Variants in LDLRAD4 observed in about 807,000 individuals in gnomAD.
The protein encoded by LDLRAD4 is low-density lipoprotein receptor class A domain-containing protein 4.
A neutral mutation model predicts 17.0 loss-of-function variants in LDLRAD4; 5 were observed. The ratio of observed to expected loss-of-function variants is 0.29; its 90% CI spans 0.15 to 0.62. The LOEUF (loss-of-function observed/expected upper bound fraction) is 0.62, where lower values mean the gene tolerates loss of function less well. Ranked by LOEUF, LDLRAD4 falls within the 20% of genes least tolerant of loss-of-function variation. The probability of loss-of-function intolerance (pLI) is 0.84; values close to 1 mark genes in which losing one functional copy is unlikely to be tolerated. For synonymous variants in LDLRAD4, 168 were observed against 171.8 expected (o/e 0.98, Z 0.17); for missense variants, 340 against 424.7 (o/e 0.80, Z 1.75).
At chr18:13,352,638 G>GGT (rs1309543483) in intron 1 of LDLRAD4, among the ~76,000 whole-genome samples, 2 of 152,096 alleles carry the variant, frequency 1.3e-5, no homozygotes, top group African/African-American at 4.8e-5. Context: ...TCAAAGTTGA[G>GGT]ACATTTTCTG....
upstream of LDLRAD4, chr18:13,218,765 G>A (rs1043289891): frequency 6.6e-6 from 1 of 152,342 alleles, no homozygotes; most frequent in Admixed American, 6.5e-5. Context: ...CGATTGTCTG[G>A]GGCTGCTGCT....
chr18:13,342,492 T>C (rs2082429067), intron 1 of LDLRAD4, among the ~76,000 whole-genome samples: 1 of 147,200 alleles, frequency 6.8e-6, no homozygotes, highest in African/African-American at 2.5e-5. Context: ...TTTTTTTTTT[T>C]TTTTTTTTTT....
intron 3 of LDLRAD4, among the ~76,000 whole-genome samples, chr18:13,597,273 G>A (rs1486496204): frequency 2.6e-5 from 4 of 152,130 alleles, no homozygotes; most frequent in Non-Finnish European, 5.9e-5. Flanking sequence ...TGTTTCTGAT[G>A]AGAAGTCAGT....
chr18:13,455,346 C>T (rs540386505), intron 3 of LDLRAD4, among the ~76,000 whole-genome samples: 21 of 152,312 alleles, frequency 1.4e-4, no homozygotes, highest in Non-Finnish European at 2.2e-4. Flanking sequence ...GTTGACAAAA[C>T]GTGATGGCTT....
intron 3 of LDLRAD4, among the ~76,000 whole-genome samples, chr18:13,542,135 C>T (rs2094293370): frequency 6.6e-6 from 1 of 152,224 alleles, no homozygotes. Flanking sequence ...CAATGCAGCT[C>T]TCTTCATAAA....
Position 13,594,690 on chromosome 18 carries a change from GAAAC to G in LDLRAD4, c.182-26425_182-26422del, listed in dbSNP as rs1252569715. ...CAAAAAAAAAAAAAAAAAAAAAAAA[GAAAC>G]AGGAAGAAATACTAGTAAGAAGCAT... On this transcript the variant is annotated intron_variant, in intron 3 of 5. Coordinates refer to ENST00000359446, the Ensembl canonical transcript of LDLRAD4. Among the ~76,000 whole-genome samples, 211 of 86,778 alleles carry G rather than the reference GAAAC, an allele frequency of 2.4e-3. 8 individuals carry two copies. The East Asian group carries it at 0.035, about 15-fold the overall frequency. The allele number at this position is 86,778 out of a possible 152,430, so 56.9% of individuals were successfully genotyped here. A position where few individuals can be genotyped will look rare whatever the true frequency, so the allele number is the denominator to read the frequency against.
At position 13,645,885 on chromosome 18, in the gene LDLRAD4, CAG is replaced by C. The variant is rs372017784; in HGVS notation, c.*229_*230del. ...ACCGCAAACAGTGTTTATTTGGGGACAGGGGTTGGGATGGGGGTGTGGGCAGG... is the reference window on the plus strand; with the variant it reads ...ACCGCAAACAGTGTTTATTTGGGGACGGGTTGGGATGGGGGTGTGGGCAGG... On this transcript the variant is annotated 3_prime_UTR_variant, in exon 6 of 6. Coordinates refer to ENST00000359446, the Ensembl canonical transcript of LDLRAD4. The surrounding 1 kb of genome is among the most constrained non-coding windows in gnomAD (Gnocchi z 5.7). The C allele has an allele frequency of 4.6e-5, 18 of 388,626 alleles. No individual in the cohort carries two copies. Among genetic ancestry groups the C allele is most frequent in the African/African-American group, 1.7e-4 (8 of 48,360 alleles). The allele number at this position is 388,626 out of a possible 1,614,324, so 24.1% of individuals were successfully genotyped here.
intron 1 of LDLRAD4, among the ~76,000 whole-genome samples, chr18:13,224,518 C>T (rs1422051113): frequency 6.1e-5 from 7 of 113,956 alleles, no homozygotes; most frequent in East Asian, 2.9e-4. Flanking sequence ...CTCGCTCTGT[C>T]GCCCAGGCTG....
intron 3 of LDLRAD4, among the ~76,000 whole-genome samples, chr18:13,483,698 AG>A (rs2093152353): frequency 6.6e-6 from 1 of 152,172 alleles, no homozygotes; most frequent in South Asian, 2.1e-4. Context: ...CATCTCTGTG[AG>A]GGTAGACGTT....
chr18:13,530,003 G>A (rs945467498), intron 3 of LDLRAD4, among the ~76,000 whole-genome samples: 2 of 152,192 alleles, frequency 1.3e-5, no homozygotes, highest in Admixed American at 1.3e-4. Context: ...GAGGTGACTA[G>A]GTGGTATTTC....
chr18:13,551,670 A>G (rs528508799), intron 3 of LDLRAD4, among the ~76,000 whole-genome samples: 1 of 152,230 alleles, frequency 6.6e-6, no homozygotes, highest in East Asian at 1.9e-4. Context: ...GTCCTCTGCC[A>G]GGGAGAGAAA....
chr18:13,237,677 A>G (rs1295010864), intron 1 of LDLRAD4, among the ~76,000 whole-genome samples: 1 of 152,186 alleles, frequency 6.6e-6, no homozygotes, highest in Non-Finnish European at 1.5e-5. Flanking sequence ...CAATTGTGTG[A>G]CAGCCCTGCA....
intron 1 of LDLRAD4, among the ~76,000 whole-genome samples, chr18:13,316,423 G>A (rs2080937542): frequency 6.6e-6 from 1 of 152,314 alleles, no homozygotes; most frequent in Non-Finnish European, 1.5e-5. Context: ...GACAGAACTT[G>A]TCACCAGAAG....
At chr18:13,322,472 G>A (rs555188392) in intron 1 of LDLRAD4, among the ~76,000 whole-genome samples, 53 of 150,464 alleles carry the variant, frequency 3.5e-4, no homozygotes, top group African/African-American at 1.2e-3. Context: ...GCTAATTTTT[G>A]TATTTTTAGT....
At chr18:13,620,219 C>T (rs1289549491) in intron 3 of LDLRAD4, among the ~76,000 whole-genome samples, 3 of 152,290 alleles carry the variant, frequency 2.0e-5, no homozygotes, top group East Asian at 1.9e-4. Context: ...GGCACATGTA[C>T]GTGCATGCAT....
intron 3 of LDLRAD4, among the ~76,000 whole-genome samples, chr18:13,492,595 C>A (rs1346988432): frequency 6.6e-6 from 1 of 152,196 alleles, no homozygotes; most frequent in Non-Finnish European, 1.5e-5. Context: ...CATTGTCAGA[C>A]CCTACTCAGG....
chr18:13,597,044 G>A (rs2148598465), intron 3 of LDLRAD4, among the ~76,000 whole-genome samples: 2 of 152,244 alleles, frequency 1.3e-5, no homozygotes, highest in East Asian at 3.9e-4. Context: ...TCAAATTACT[G>A]TCTGGGGTTA....
intron 2 of LDLRAD4, among the ~76,000 whole-genome samples, chr18:13,434,364 A>G (rs1016595571): frequency 6.6e-6 from 1 of 151,992 alleles, no homozygotes; most frequent in Non-Finnish European, 1.5e-5. Flanking sequence ...TAAATCTTAT[A>G]GGTTATAATA....
Position 13,622,647 on chromosome 18 carries a change from ATG to A in LDLRAD4, c.336+1377_336+1378del, listed in dbSNP as rs1333498639. Among the ~76,000 whole-genome samples, 1 of 152,200 alleles carries A rather than the reference ATG, an allele frequency of 6.6e-6. No individual in the cohort carries two copies. Among genetic ancestry groups the A allele is most frequent in the Non-Finnish European group, 1.5e-5 (1 of 68,032 alleles). On this transcript the variant is annotated intron_variant, in intron 4 of 5. Coordinates refer to ENST00000359446, the Ensembl canonical transcript of LDLRAD4. This position sits in a 1 kb window ranked among gnomAD's most constrained non-coding sequence, Gnocchi z 5.3. ...ACGCACTGAACACTTTGGCATCCTG[ATG>A]CCTGTAGATTGTTGGACAGAGGGAG...
Sources: allele counts gnomAD v4.1 joint callset (sites outside exome capture counted in the v4.1 genomes callset), GRCh38; gene constraint gnomAD v4.1.1; non-coding constraint Gnocchi (gnomAD v3.1); transcripts MANE v1.5; gene names NCBI Gene and HGNC (gene_info 2026-07-23, HGNC 2026-07-21).